The following SLC25A29 variants were observed in gnomAD, a reference collection of about 807,000 sequenced individuals.
SLC25A29 encodes the protein solute carrier family 25 member 29, also known as mitochondrial basic amino acids transporter.
A neutral mutation model predicts 10.0 loss-of-function variants in SLC25A29; 13 were observed. The observed-to-expected ratio is 1.30, with a 90% CI of 0.85 to 2.07. The LOEUF (loss-of-function observed/expected upper bound fraction) is 2.07. Among genes scored for constraint, SLC25A29 ranks in the 30% most tolerant of loss-of-function variants. The pLI is 0.00. For synonymous variants in SLC25A29, 244 were observed against 221.1 expected (o/e 1.10, Z -0.92); for missense variants, 475 against 447.6 (o/e 1.06, Z -0.55).
In SLC25A29 at chr14:100,292,302, G is replaced by T; in HGVS notation, c.893C>A (p.Ala298Glu). 1.3e-6 allele frequency: 2 copies of T among 1,524,460 alleles called. No individual in the cohort carries two copies. The highest frequency in any genetic ancestry group is 8.8e-7 in the Non-Finnish European group (1 of 1,138,158). The allele number at this position is 1,524,460 out of a possible 1,614,324, so 94.4% of individuals were successfully genotyped here. The change falls in exon 4 of 4, where the codon GCG becomes GAG. Residue 298 changes from alanine (A) to glutamate (E), a missense_variant. By Grantham distance (107) the Ala-to-Glu change is moderately radical. Coordinates refer to ENST00000359232, the MANE Select transcript of SLC25A29 (RefSeq NM_001039355.3). ...TGAGCGTCACAGGCTGGAGGGCTGCGCCAGGGCAGGCCCCGCAGGGGCGGC... is the reference window on the plus strand; with the variant it reads ...TGAGCGTCACAGGCTGGAGGGCTGCTCCAGGGCAGGCCCCGCAGGGGCGGC... ...VPAAPAGPAL[A>E]QPSSL is the part of the protein sequence containing the mutation.
rs1252789319 is a variant in SLC25A29 at position 100,292,775 on chromosome 14, C to G, written c.420G>C (p.Gln140His). 6.3e-7 allele frequency: 1 copy of G among 1,599,320 alleles called. No homozygotes were observed. The highest frequency in any genetic ancestry group is 1.7e-5 in the Admixed American group (1 of 58,428). ...CACGCAGACCCTCGTGCCCGTAGATCTGCGCGAGGCAGTCCAGCGAGCCCT... is the reference window on the plus strand; with the variant it reads ...CACGCAGACCCTCGTGCCCGTAGATGTGCGCGAGGCAGTCCAGCGAGCCCT... ...TYKGSLDCLAQIYGHEGLRGV... is the reference protein window; with the variant it reads ...TYKGSLDCLAHIYGHEGLRGV... The change falls in exon 4 of 4, where the codon CAG (glutamine) becomes CAC (histidine). Residue 140 changes from glutamine (Q) to histidine (H), a missense_variant. Physicochemically the swap from Gln to His is conservative, Grantham distance 24. Transcript: ENST00000359232.
rs774825374 is a variant in SLC25A29, at chr14:100,292,587, G to A, written c.608C>T (p.Ser203Phe). The stretch of plus-strand genomic sequence containing the variant: ...GTCCACAGGATAGGTAGAGAGCCAG[G>A]ACACGATGCCTGACGTACCGCCCGC... ...LLAGGTSGIV[S>F]WLSTYPVDVV... The change falls in exon 4 of 4, where the codon TCC becomes TTC. Residue 203 changes from serine to phenylalanine, a missense_variant. Physicochemically the swap from Ser to Phe is radical, Grantham distance 155. Coordinates refer to ENST00000359232, the MANE Select transcript of SLC25A29 (RefSeq NM_001039355.3). The A allele has an allele frequency of 1.9e-6, 3 of 1,603,664 alleles. No individual in the cohort carries two copies. Among genetic ancestry groups the A allele is most frequent in the Non-Finnish European group, 1.7e-6 (2 of 1,176,118 alleles).
In SLC25A29 at chr14:100,306,420, G is replaced by T. The variant is rs1283130347; in HGVS notation, c.-188C>A. ...GGCGGCAGCAGCTAGACCCGCGCTGGTCCCTCGGCGGCAGCTGACTCGCTG... is the reference window on the plus strand; with the variant it reads ...GGCGGCAGCAGCTAGACCCGCGCTGTTCCCTCGGCGGCAGCTGACTCGCTG... On this transcript the variant is annotated 5_prime_UTR_variant, in exon 1 of 4. Coordinates refer to ENST00000359232, the MANE Select transcript of SLC25A29 (RefSeq NM_001039355.3). 5 of 420,098 alleles carry T rather than the reference G, an allele frequency of 1.2e-5. No individual in the cohort carries two copies. Among genetic ancestry groups the T allele is most frequent in the Non-Finnish European group, 1.9e-5 (5 of 256,982 alleles). 26.0% of individuals were successfully genotyped at this position (420,098 alleles called of 1,614,324 possible). A position where few individuals can be genotyped will look rare whatever the true frequency, so the allele number is the denominator to read the frequency against.
intron 1 of SLC25A29, chr14:100,299,528 G>A (rs1303136564): frequency 7.1e-6 from 7 of 986,526 alleles, no homozygotes; most frequent in Admixed American, 6.1e-5. Flanking sequence ...CAGGGAGACA[G>A]CTTGTGACTG....
In SLC25A29 at chr14:100,292,608, CCCG is replaced by C; in HGVS notation, c.584_586del (p.Ala195del). The C allele has an allele frequency of 1.2e-6, 2 of 1,605,534 alleles. No individual in the cohort carries two copies. The highest frequency in any genetic ancestry group is 1.7e-6 in the Non-Finnish European group (2 of 1,176,888). On this transcript the variant is annotated inframe_deletion, in exon 4 of 4. Transcript: ENST00000359232. ...CCAGGACACGATGCCTGACGTACCG[CCCG>C]CCAACAGCAGCTTGGGCACCAGCAG...
downstream of SLC25A29, among the ~76,000 whole-genome samples, chr14:100,289,708 TG>T (rs1164084097): frequency 2.0e-5 from 3 of 151,338 alleles, no homozygotes; most frequent in African/African-American, 7.3e-5. Flanking sequence ...CCAGGTGTGG[TG>T]GTGCACGCCT....
the SLC25A29 span, among the ~76,000 whole-genome samples, chr14:100,284,399 C>A: frequency 1.3e-5 from 2 of 152,166 alleles, no homozygotes; most frequent in Non-Finnish European, 2.9e-5. Flanking sequence ...TGTGACCGTT[C>A]CCCTCGGTCC....
chr14:100,293,417 C>T (rs1891919679), intron 2 of SLC25A29, 40 bp from the exon 3 acceptor site: 4 of 1,585,480 alleles, frequency 2.5e-6, no homozygotes, highest in Non-Finnish European at 3.5e-6. Context: ...GCAGGCAGGA[C>T]CAGAGCACCC....
In SLC25A29 at chr14:100,291,422, T is replaced by C. The variant is rs1196757802; in HGVS notation, c.*861A>G. 6.6e-6 allele frequency: 1 copy of C among 152,382 alleles called. No individual in the cohort carries two copies. Among genetic ancestry groups the C allele is most frequent in the Non-Finnish European group, 1.5e-5 (1 of 68,142 alleles). The allele number at this position is 152,382 out of a possible 1,614,324, so 9.4% of individuals were successfully genotyped here. ...GAGGGGGTCCCATACTGTTCTCTGC[T>C]GAGCCCTCTGCACACTTTGGGGGAT... On this transcript the variant is annotated 3_prime_UTR_variant, in exon 4 of 4. Transcript: ENST00000359232.
rs549055410 is a variant in SLC25A29, at chr14:100,301,826, C to T, written c.35-2941G>A. On this transcript the variant is annotated intron_variant, in intron 1 of 3. Transcript: ENST00000359232. ...CGCCCGGCACTTCCTGCTTCTAATACGTCTAATCATTATATAGAAACAGGG... is the reference window on the plus strand; with the variant it reads ...CGCCCGGCACTTCCTGCTTCTAATATGTCTAATCATTATATAGAAACAGGG... Among the ~76,000 whole-genome samples, 9 of 151,954 alleles carry T rather than the reference C, an allele frequency of 5.9e-5. No homozygotes were observed. In the East Asian group the frequency reaches 1.4e-3, roughly 23 times the overall value.
intron 2 of SLC25A29, among the ~76,000 whole-genome samples, chr14:100,297,374 C>T (rs1248568178): frequency 1.3e-5 from 2 of 152,196 alleles, no homozygotes; most frequent in African/African-American, 4.8e-5. Context: ...TGCTCCCAGG[C>T]CTGCCAGGGG....
At chr14:100,288,194 C>T (rs1217580598), downstream of SLC25A29, among the ~76,000 whole-genome samples, 3 of 151,834 alleles carry the variant, frequency 2.0e-5, no homozygotes, top group Non-Finnish European at 4.4e-5. Flanking sequence ...CCATCCTGGC[C>T]AACGTGGTGA....
At chr14:100,284,087 C>T in the SLC25A29 span, among the ~76,000 whole-genome samples, 1 of 152,132 alleles carries the variant, frequency 6.6e-6, no homozygotes, top group African/African-American at 2.4e-5. Flanking sequence ...TGGCCTCCTC[C>T]AAACCACCCT....
chr14:100,285,317 C>CT, the SLC25A29 span, among the ~76,000 whole-genome samples: 1 of 110,954 alleles, frequency 9.0e-6, no homozygotes, highest in African/African-American at 2.7e-5. Flanking sequence ...CCCTGCAGTG[C>CT]TCCAGGGCCT....
At chr14:100,283,813 A>G in the SLC25A29 span, among the ~76,000 whole-genome samples, 60 of 152,148 alleles carry the variant, frequency 3.9e-4, no homozygotes, top group African/African-American at 1.4e-3. Context: ...CCCTAGATAC[A>G]GATGAAACCA....
At chr14:100,293,411 G>A (rs572675558) in intron 2 of SLC25A29, 34 bp from the exon 3 acceptor site, 2 of 1,600,172 alleles carry the variant, frequency 1.2e-6, no homozygotes, top group Admixed American at 3.4e-5. Context: ...AGGCAGGCAG[G>A]CAGGACCAGA....
downstream of SLC25A29, among the ~76,000 whole-genome samples, chr14:100,287,628 A>ACCCCCCCCCCCCCC (rs1171229559): frequency 1.6e-5 from 1 of 62,170 alleles, no homozygotes; most frequent in Non-Finnish European, 3.2e-5. Flanking sequence ...CTGGAGCACC[A>ACCCCCCCCCCCCCC]CCCCCCCCCT....
intron 1 of SLC25A29, among the ~76,000 whole-genome samples, chr14:100,301,187 C>T (rs1463548936): frequency 6.6e-6 from 1 of 152,142 alleles, no homozygotes; most frequent in Admixed American, 6.5e-5. Context: ...ACTTTAGCCA[C>T]CACGCCTGGC....
In SLC25A29 at chr14:100,292,258, C is replaced by T; in HGVS notation, c.*25G>A. 1 of 1,532,720 alleles carries T rather than the reference C, an allele frequency of 6.5e-7. No individual in the cohort carries two copies. The highest frequency in any genetic ancestry group is 1.4e-5 in the African/African-American group (1 of 72,726). 94.9% of individuals were successfully genotyped at this position (1,532,720 alleles called of 1,614,324 possible). On this transcript the variant is annotated 3_prime_UTR_variant, in exon 4 of 4. Coordinates refer to ENST00000359232, the MANE Select transcript of SLC25A29 (RefSeq NM_001039355.3). The stretch of plus-strand genomic sequence containing the variant: ...TGTCCCAGGTTTCTGAGAAGGAGCC[C>T]TGGGGAAGGAGGGCGGGGTGAGCGT...
Sources: gnomAD v4.1 joint callset for allele counts (sites outside exome capture counted in the v4.1 genomes callset) on GRCh38, gnomAD v4.1.1 for gene constraint, MANE v1.5 for transcripts, NCBI Gene and HGNC (gene_info 2026-07-23, HGNC 2026-07-21) for gene names.